Variants in JMJD1C observed in about 807,000 individuals in gnomAD.
JMJD1C encodes the protein jumonji domain-containing protein 1C.
JMJD1C carries 31 observed loss-of-function variants against 245.3 expected under a neutral mutation model. That is an observed-to-expected ratio of 0.13 (90% confidence interval 0.09 to 0.17). The LOEUF (loss-of-function observed/expected upper bound fraction) is 0.17, where lower values mean the gene tolerates loss of function less well. Among genes scored for constraint, JMJD1C ranks in the 10% least tolerant of loss-of-function variants. The pLI is 1.00. For synonymous variants in JMJD1C, 1,057 were observed against 1,017.4 expected (o/e 1.04, Z -0.74); for missense variants, 2,691 against 3,000.2 (o/e 0.90, Z 2.41).
At chr10:63,446,531 G>A (rs898150231) in intron 1 of JMJD1C, among the ~76,000 whole-genome samples, 1 of 152,164 alleles carries the variant, frequency 6.6e-6, no homozygotes, top group Admixed American at 6.5e-5. Context: ...GAACAAGAGC[G>A]TAGCTAGAAA....
chr10:63,389,352 G>T (rs1451139956), intron 1 of JMJD1C, among the ~76,000 whole-genome samples: 1 of 148,502 alleles, frequency 6.7e-6, no homozygotes, highest in African/African-American at 2.5e-5. Flanking sequence ...GATCTAAATG[G>T]AGAGAAAGAG....
At chr10:63,354,971 C>G (rs1008433074) in intron 2 of JMJD1C, among the ~76,000 whole-genome samples, 3 of 151,690 alleles carry the variant, frequency 2.0e-5, no homozygotes, top group Non-Finnish European at 4.4e-5. Flanking sequence ...TGCAGTGAGC[C>G]AAGACTGCAC....
intron 1 of JMJD1C, among the ~76,000 whole-genome samples, chr10:63,407,443 A>C (rs1249238496): frequency 6.6e-6 from 1 of 152,154 alleles, no homozygotes; most frequent in Admixed American, 6.5e-5. Flanking sequence ...TTTCTTTGGA[A>C]ACCTAACCAC....
chr10:63,405,094 A>C (rs925530225), intron 1 of JMJD1C, among the ~76,000 whole-genome samples: 2 of 152,200 alleles, frequency 1.3e-5, no homozygotes, highest in African/African-American at 4.8e-5. Context: ...ACCATCATAT[A>C]ACTTTTTAAA....
At chr10:63,398,215 T>C (rs900223119) in intron 1 of JMJD1C, among the ~76,000 whole-genome samples, 4 of 152,190 alleles carry the variant, frequency 2.6e-5, no homozygotes, top group Admixed American at 6.5e-5. Context: ...GGTCCACATA[T>C]TGCAACTGTT....
intron 3 of JMJD1C, among the ~76,000 whole-genome samples, chr10:63,246,874 A>C (rs1339769003): frequency 1.3e-5 from 2 of 152,084 alleles, no homozygotes; most frequent in Non-Finnish European, 2.9e-5. Context: ...AACTTAATTA[A>C]ATTTTTTTTA....
At chr10:63,521,481 G>A in intron 1 of JMJD1C, 6 of 1,160,320 alleles carry the variant, frequency 5.2e-6, no homozygotes, top group Non-Finnish European at 6.7e-6. Flanking sequence ...GCCTGCCGTT[G>A]GCGGCCTGGT....
intron 18 of JMJD1C, among the ~76,000 whole-genome samples, chr10:63,188,263 T>C (rs1391421041): frequency 6.6e-6 from 1 of 152,214 alleles, no homozygotes; most frequent in Non-Finnish European, 1.5e-5. Flanking sequence ...AGTCCAGTAA[T>C]GTCATCAGGG....
At chr10:63,500,356 G>A (rs371516711) in intron 1 of JMJD1C, among the ~76,000 whole-genome samples, 2 of 151,792 alleles carry the variant, frequency 1.3e-5, no homozygotes, top group South Asian at 4.2e-4. Context: ...CCAGGAAGCA[G>A]AGGTTGCAAT....
chr10:63,466,527 A>ATACTAATTACATGT (rs1171225807), upstream of JMJD1C: 2 of 152,236 alleles, frequency 1.3e-5, no homozygotes, highest in Non-Finnish European at 2.9e-5. Flanking sequence ...ATTTGTGGTG[A>ATACTAATTACATGT]TACTAATTAC....
intron 2 of JMJD1C, among the ~76,000 whole-genome samples, chr10:63,279,465 A>G (rs374997541): frequency 1.3e-5 from 2 of 152,240 alleles, no homozygotes; most frequent in South Asian, 4.1e-4. Flanking sequence ...ACTCAAGTAG[A>G]ATGTACAGAA....
In JMJD1C at chr10:63,492,048, TTC is replaced by T. The variant is rs200363618; in HGVS notation, n.113+29688_113+29689del. On this transcript the variant is annotated intron_variant and non_coding_transcript_variant, in intron 1 of 3. Coordinates refer to the JMJD1C transcript ENST00000633035. ...TAAATTATAACTTTTTCTTTCTTCTTTCTCTCTCTCTCTTTCGAGACTTTGTC... is the reference window on the plus strand; with the variant it reads ...TAAATTATAACTTTTTCTTTCTTCTTTCTCTCTCTCTTTCGAGACTTTGTC... 3.2e-3 allele frequency among the ~76,000 whole-genome samples: 491 copies of T among 152,182 alleles called. 2 individuals carry two copies. Among genetic ancestry groups the T allele is most frequent in the African/African-American group, 0.011 (476 of 41,528 alleles).
At chr10:63,260,027 G>C (rs1370616743) in intron 3 of JMJD1C, among the ~76,000 whole-genome samples, 2 of 152,038 alleles carry the variant, frequency 1.3e-5, no homozygotes, top group Non-Finnish European at 2.9e-5. Context: ...TCAGCCTCCA[G>C]AGTAGCTGGG....
intron 1 of JMJD1C, among the ~76,000 whole-genome samples, chr10:63,502,449 C>T (rs1309866437): frequency 6.6e-6 from 1 of 152,018 alleles, no homozygotes; most frequent in East Asian, 1.9e-4. Context: ...CCAGCCTGAC[C>T]AACATAGTGA....
intron 3 of JMJD1C, among the ~76,000 whole-genome samples, chr10:63,254,949 G>A (rs370021216): frequency 4.8e-4 from 73 of 152,114 alleles, no homozygotes; most frequent in African/African-American, 1.7e-3. Context: ...AACCTCCTGG[G>A]CTCAAGCGAT....
At chr10:63,391,483 C>G (rs982204180) in intron 1 of JMJD1C, among the ~76,000 whole-genome samples, 1 of 151,394 alleles carries the variant, frequency 6.6e-6, no homozygotes, top group Non-Finnish European at 1.5e-5. Context: ...GCACTCCAGT[C>G]TGGGCGACAG....
At chr10:63,498,494 T>C (rs1231830902) in intron 1 of JMJD1C, among the ~76,000 whole-genome samples, 1 of 152,164 alleles carries the variant, frequency 6.6e-6, no homozygotes, top group Non-Finnish European at 1.5e-5. Context: ...TTAAATTATA[T>C]TTAATTTTGT....
At chr10:63,351,222 G>T (rs1423485248) in intron 2 of JMJD1C, among the ~76,000 whole-genome samples, 3 of 151,646 alleles carry the variant, frequency 2.0e-5, no homozygotes, top group Middle Eastern at 3.4e-3. Context: ...GGGATTACAA[G>T]CGCCTGCCAC....
At chr10:63,240,347 A>C (rs1589253765) in intron 3 of JMJD1C, among the ~76,000 whole-genome samples, 1 of 152,218 alleles carries the variant, frequency 6.6e-6, no homozygotes, top group African/African-American at 2.4e-5. Flanking sequence ...AGACTGATTA[A>C]AAAAATAGGA....
Sources: gnomAD v4.1 joint callset for allele counts (sites outside exome capture counted in the v4.1 genomes callset) on GRCh38, gnomAD v4.1.1 for gene constraint, MANE v1.5 for transcripts, NCBI Gene and HGNC (gene_info 2026-07-23, HGNC 2026-07-21) for gene names.